PDE1C: variants seen among roughly 807,000 people sequenced by gnomAD.
PDE1C encodes the protein dual specificity calcium/calmodulin-dependent 3',5'-cyclic nucleotide phosphodiesterase 1C.
In PDE1C, 62 loss-of-function variants were observed where a neutral mutation model predicts 93.1. The observed-to-expected ratio is 0.67, with a 90% CI of 0.54 to 0.82. The LOEUF (loss-of-function observed/expected upper bound fraction) is 0.82. Among genes scored for constraint, PDE1C ranks in the 40% least tolerant of loss-of-function variants. The pLI is 0.00. For synonymous variants in PDE1C, 325 were observed against 310.1 expected (o/e 1.05, Z -0.50); for missense variants, 742 against 884.6 (o/e 0.84, Z 2.04).
chr7:31,795,758 A>T (rs935878591), intron 16 of PDE1C, among the ~76,000 whole-genome samples: 2 of 151,726 alleles, frequency 1.3e-5, no homozygotes, highest in African/African-American at 4.8e-5. Flanking sequence ...ATTTAAACCC[A>T]TCAATCTCAT....
intron 3 of PDE1C, among the ~76,000 whole-genome samples, chr7:32,120,353 C>A (rs1345208778): frequency 6.6e-6 from 1 of 152,140 alleles, no homozygotes; most frequent in African/African-American, 2.4e-5. Context: ...AAGTGGGTTT[C>A]CCCCCAGGCA....
At chr7:31,827,903 C>A (rs900521384) in intron 12 of PDE1C, among the ~76,000 whole-genome samples, 4 of 152,088 alleles carry the variant, frequency 2.6e-5, no homozygotes, top group Non-Finnish European at 5.9e-5. Flanking sequence ...GGAAATGGGG[C>A]TGTCCTGAAA....
At chr7:32,095,927 C>T (rs1026628142) in intron 3 of PDE1C, among the ~76,000 whole-genome samples, 2 of 152,194 alleles carry the variant, frequency 1.3e-5, no homozygotes, top group South Asian at 2.1e-4. Context: ...GTCCCAACAT[C>T]GACCCCATGC....
chr7:31,888,249 CA>C (rs34112969), intron 2 of PDE1C, among the ~76,000 whole-genome samples: 6,271 of 44,074 alleles, frequency 0.14, 61 homozygotes, highest in African/African-American at 0.24. Context: ...GACTCAGTCT[CA>C]AAAAAAAAAA....
At chr7:31,891,304 CAAGAGG>C (rs1798607805) in intron 2 of PDE1C, among the ~76,000 whole-genome samples, 1 of 152,084 alleles carries the variant, frequency 6.6e-6, no homozygotes, top group Admixed American at 6.6e-5. Context: ...GTGGTAGGCT[CAAGAGG>C]AAGAGGTGGT....
At chr7:31,855,973 T>C (rs1447574507) in intron 7 of PDE1C, among the ~76,000 whole-genome samples, 1 of 152,076 alleles carries the variant, frequency 6.6e-6, no homozygotes, top group African/African-American at 2.4e-5. Flanking sequence ...TTTATTTCTG[T>C]CTAAGGATTT....
At chr7:32,367,656 GA>G (rs759825326) in intron 1 of PDE1C, among the ~76,000 whole-genome samples, 1 of 152,120 alleles carries the variant, frequency 6.6e-6, no homozygotes, top group Non-Finnish European at 1.5e-5. Context: ...AGAAGTTCAA[GA>G]CAAGCCTGGG....
intron 2 of PDE1C, among the ~76,000 whole-genome samples, chr7:32,187,643 C>A (rs1480373784): frequency 6.6e-6 from 1 of 151,944 alleles, no homozygotes; most frequent in Non-Finnish European, 1.5e-5. Flanking sequence ...AATTTATAAT[C>A]TAGAGCAACA....
the PDE1C span, among the ~76,000 whole-genome samples, chr7:31,681,064 G>T: frequency 1.3e-5 from 2 of 152,126 alleles, no homozygotes; most frequent in African/African-American, 2.4e-5. Context: ...TATCATTGAG[G>T]CCAAAACATC....
chr7:32,242,674 G>T (rs1808628452), intron 1 of PDE1C, among the ~76,000 whole-genome samples: 1 of 152,158 alleles, frequency 6.6e-6, no homozygotes, highest in African/African-American at 2.4e-5. Context: ...CTTTAAAAGA[G>T]CTGTGGGGGC....
Position 32,409,785 on chromosome 7 carries a change from CATA to C in PDE1C, c.310+18034_310+18036del, listed in dbSNP as rs532686620. On this transcript the variant is annotated intron_variant, in intron 1 of 1. Coordinates refer to the PDE1C transcript ENST00000672256. ...TATATTCACACATATATCTTCTTAACATAATATTATATTCCTTAATATAGTATT... is the reference window on the plus strand; with the variant it reads ...TATATTCACACATATATCTTCTTAACATATTATATTCCTTAATATAGTATT... Among the ~76,000 whole-genome samples the C allele has an allele frequency of 2.2e-4, 34 of 151,706 alleles. No individual in the cohort carries two copies. The South Asian group carries it at 4.2e-3, about 19-fold the overall frequency.
chr7:32,399,201 G>T (rs1784897538), intron 1 of PDE1C, among the ~76,000 whole-genome samples: 1 of 152,200 alleles, frequency 6.6e-6, no homozygotes, highest in Non-Finnish European at 1.5e-5. Context: ...ACACACGGTT[G>T]TGTGTCCTCA....
chr7:32,303,763 C>G (rs1180484356), upstream of PDE1C, among the ~76,000 whole-genome samples: 1 of 152,018 alleles, frequency 6.6e-6, no homozygotes, highest in Non-Finnish European at 1.5e-5. Flanking sequence ...TTCTTTGGCT[C>G]CCTGTTCATT....
At chr7:32,198,403 G>A (rs994534913) in intron 2 of PDE1C, among the ~76,000 whole-genome samples, 5 of 152,024 alleles carry the variant, frequency 3.3e-5, no homozygotes, top group African/African-American at 4.8e-5. Flanking sequence ...TCAAAATTCC[G>A]GTAGATTAAA....
At chr7:32,161,415 A>G (rs1255022396) in intron 3 of PDE1C, among the ~76,000 whole-genome samples, 3 of 152,166 alleles carry the variant, frequency 2.0e-5, no homozygotes, top group Non-Finnish European at 2.9e-5. Context: ...TATTGGTGCT[A>G]CCTTCACACA....
intron 1 of PDE1C, among the ~76,000 whole-genome samples, chr7:32,061,702 T>A (rs1794828744): frequency 6.6e-6 from 1 of 152,222 alleles, no homozygotes; most frequent in South Asian, 2.1e-4. Flanking sequence ...ACCATACTGG[T>A]TTCTGTCTCT....
At position 32,236,475 on chromosome 7, in the gene PDE1C, C is replaced by T. The variant is rs895072775; in HGVS notation, c.86-26936G>A. Among the ~76,000 whole-genome samples the T allele has an allele frequency of 2.6e-5, 4 of 152,042 alleles. No individual in the cohort carries two copies. The South Asian group carries it at 6.2e-4, about 24-fold the overall frequency. On this transcript the variant is annotated intron_variant, in intron 1 of 18. Coordinates refer to the PDE1C transcript ENST00000396193. Reference sequence around the variant, plus strand: ...ACTCAATAGGAAGAAAACATTCGCCCCTAATTAAAGATGGACAAAAGATTT... The same window carrying T: ...ACTCAATAGGAAGAAAACATTCGCCTCTAATTAAAGATGGACAAAAGATTT...
intron 2 of PDE1C, among the ~76,000 whole-genome samples, chr7:31,896,879 A>T (rs1562991914): frequency 6.6e-6 from 1 of 152,220 alleles, no homozygotes; most frequent in Non-Finnish European, 1.5e-5. Context: ...TATGGTTTGA[A>T]TTATCCTGAC....
chr7:32,349,383 A>C (rs533241723), intron 1 of PDE1C, among the ~76,000 whole-genome samples: 1 of 152,164 alleles, frequency 6.6e-6, no homozygotes, highest in Non-Finnish European at 1.5e-5. Flanking sequence ...TTATGATGGG[A>C]GAAAGGAAGG....
Sources: allele counts gnomAD v4.1 joint callset (sites outside exome capture counted in the v4.1 genomes callset), GRCh38; gene constraint gnomAD v4.1.1; transcripts MANE v1.5; gene names NCBI Gene and HGNC (gene_info 2026-07-23, HGNC 2026-07-21).